Variants in SNURF observed in about 807,000 individuals in gnomAD.
SNURF encodes the protein SNRPN upstream open reading frame, also known as SNURF protein.
In SNURF, 6 loss-of-function variants were observed where a neutral mutation model predicts 11.6. That is an observed-to-expected ratio of 0.52 (90% confidence interval 0.28 to 1.02). SNURF has a LOEUF of 1.02. Ranked by LOEUF, SNURF falls within the 50% of genes least tolerant of loss-of-function variation. SNURF has a pLI of 0.09. For missense variants in SNURF, 84 were observed against 88.4 expected (o/e 0.95, Z 0.20); for synonymous variants, 29 against 31.6 (o/e 0.92, Z 0.27).
At chr15:24,961,436 T>G (rs1020588831) in intron 1 of SNURF, among the ~76,000 whole-genome samples, 3 of 152,190 alleles carry the variant, frequency 2.0e-5, no homozygotes, top group African/African-American at 7.2e-5. Context: ...TCTTTAAAGG[T>G]TCATAGGTGG....
intron 6 of SNURF, chr15:24,977,762 C>A: frequency 6.3e-7 from 1 of 1,578,324 alleles, no homozygotes; most frequent in Admixed American, 1.9e-5. Flanking sequence ...GACTGTTTCC[C>A]GCCCTGCCTT....
downstream of SNURF, among the ~76,000 whole-genome samples, chr15:24,970,650 C>T (rs2554429): frequency 0.43 from 64,838 of 152,020 alleles, 15,265 homozygotes; most frequent in African/African-American, 0.63. Context: ...ACATATCCAA[C>T]TGGATACCTA....
chr15:24,956,389 A>G (rs1329882389), intron 1 of SNURF, among the ~76,000 whole-genome samples: 2 of 145,828 alleles, frequency 1.4e-5, no homozygotes, highest in Non-Finnish European at 3.0e-5. Context: ...TAGAGCCGCC[A>G]GTGGGGAGGG....
At chr15:24,971,953 G>A (rs1209908006), downstream of SNURF, among the ~76,000 whole-genome samples, 8 of 152,026 alleles carry the variant, frequency 5.3e-5, no homozygotes, top group African/African-American at 1.9e-4. Flanking sequence ...GTGTTGCAGT[G>A]CTATAAAAAT....
chr15:24,957,388 A>G (rs1202461741), intron 1 of SNURF, among the ~76,000 whole-genome samples: 1 of 152,222 alleles, frequency 6.6e-6, no homozygotes, highest in African/African-American at 2.4e-5. Flanking sequence ...TGGATCAGTT[A>G]CTGTCTTTTT....
In SNURF at chr15:24,957,848, G is replaced by T. The variant is rs537794120; in HGVS notation, c.14+2786G>T. 3.5e-3 allele frequency among the ~76,000 whole-genome samples: 537 copies of T among 152,156 alleles called. 5 individuals carry two copies. The highest frequency in any genetic ancestry group is 2.2e-3 in the Non-Finnish European group (149 of 67,998). Reference sequence around the variant, plus strand: ...AGTATTTAGTCTGATCCGCCATTTTGTAGTCTTGCATTCAGGCCCGGGATC... The same window carrying T: ...AGTATTTAGTCTGATCCGCCATTTTTTAGTCTTGCATTCAGGCCCGGGATC... On this transcript the variant is annotated intron_variant, in intron 1 of 2. Transcript: ENST00000577949.
At position 24,975,318 on chromosome 15, in the gene SNURF, G is replaced by A. The variant is rs368648548; in HGVS notation, c.*46-40G>A. 28 of 1,575,214 alleles carry A rather than the reference G, an allele frequency of 1.8e-5. No individual in the cohort carries two copies. The African/African-American group carries it at 3.6e-4, about 20-fold the overall frequency. On this transcript the variant is annotated intron_variant and NMD_transcript_variant, in intron 3 of 6. Coordinates refer to the SNURF transcript ENST00000580062. ...CAGGAGAAGATTAGAAGACTAGGGT[G>A]TTGGCAAGCTGAACATGACTCTTGT...
chr15:24,966,333 G>A (rs1258980700), intron 2 of SNURF, among the ~76,000 whole-genome samples: 1 of 152,078 alleles, frequency 6.6e-6, no homozygotes, highest in Non-Finnish European at 1.5e-5. Flanking sequence ...GCAAAATCTG[G>A]GCAGGTCCCA....
rs756286314 is a variant in SNURF, at chr15:24,976,842, T to C, written c.*310-35T>C. The C allele has an allele frequency of 3.1e-6, 5 of 1,588,432 alleles. No homozygotes were observed. In the Admixed American group the frequency reaches 9.1e-5, roughly 29 times the overall value. ...ATAAGAATACTGAGAACTTGTAAAT[T>C]GTTTGATTTTAGGCTATGAATTTTC... On this transcript the variant is annotated intron_variant and NMD_transcript_variant, in intron 5 of 6. Coordinates refer to the SNURF transcript ENST00000580062.
Position 24,975,564 on chromosome 15 carries a change from G to T in SNURF, c.*197+55G>T. On this transcript the variant is annotated intron_variant and NMD_transcript_variant, in intron 4 of 6. Transcript: ENST00000580062. ...GACACAGAGGCAGTGGGAAGGGAAG[G>T]CCAGAGCTGGAGTAAGGGATTTCCG... The T allele has an allele frequency of 2.0e-6, 3 of 1,468,260 alleles. No homozygotes were observed. In the South Asian group the frequency reaches 3.5e-5, roughly 17 times the overall value. 91.0% of individuals were successfully genotyped at this position (1,468,260 alleles called of 1,614,324 possible). A position where few individuals can be genotyped will look rare whatever the true frequency, so the allele number is the denominator to read the frequency against.
At chr15:24,963,852 TAG>T (rs1030845337) in intron 2 of SNURF, among the ~76,000 whole-genome samples, 2 of 151,934 alleles carry the variant, frequency 1.3e-5, no homozygotes, top group Admixed American at 1.3e-4. Context: ...CTGGGCAACA[TAG>T]AGAGACCTCC....
At chr15:24,963,665 T>C (rs2075196155) in intron 2 of SNURF, among the ~76,000 whole-genome samples, 1 of 152,124 alleles carries the variant, frequency 6.6e-6, no homozygotes, top group South Asian at 2.1e-4. Context: ...TTTATTTTAT[T>C]TTTTTCAAAT....
rs78052502 is a variant in SNURF at position 24,963,704 on chromosome 15, A to T, written c.110+1495A>T. 5.8e-3 allele frequency among the ~76,000 whole-genome samples: 875 copies of T among 151,488 alleles called. 8 individuals carry two copies. The highest frequency in any genetic ancestry group is 0.019 in the African/African-American group (775 of 41,284). ...AGGTTTTTCCTCATAGTAAAAACTGAGTAGTAGTTTGTGTGTCTTTTGTTA... is the reference window on the plus strand; with the variant it reads ...AGGTTTTTCCTCATAGTAAAAACTGTGTAGTAGTTTGTGTGTCTTTTGTTA... On this transcript the variant is annotated intron_variant, in intron 2 of 2. Coordinates refer to ENST00000577949, the Ensembl canonical transcript of SNURF.
At chr15:24,977,166 A>G in intron 6 of SNURF, 1 of 603,210 alleles carries the variant, frequency 1.7e-6, no homozygotes, top group South Asian at 3.5e-5. Context: ...ACACAGATAT[A>G]TGGGAGGAAG....
At chr15:24,970,161 G>A (rs1245763227), downstream of SNURF, among the ~76,000 whole-genome samples, 1 of 152,324 alleles carries the variant, frequency 6.6e-6, no homozygotes, top group Admixed American at 6.5e-5. Context: ...GAAGGGATCA[G>A]TCTAAGAGTC....
At chr15:24,977,983 C>T (rs2077259097), downstream of SNURF, 1 of 1,431,694 alleles carries the variant, frequency 7.0e-7, no homozygotes, top group African/African-American at 1.4e-5. Context: ...TGATTTAAGA[C>T]ACAGCCTGAG....
downstream of SNURF, chr15:24,977,882 G>A (rs369947986): frequency 7.0e-4 from 1,116 of 1,592,118 alleles, 15 homozygotes; most frequent in South Asian, 8.6e-3. Flanking sequence ...GGGGCACTCC[G>A]CCCCCACCCG....
chr15:24,974,939 G>A (rs1256312070), intron 3 of SNURF: 1 of 702,990 alleles, frequency 1.4e-6, no homozygotes, highest in Admixed American at 2.0e-5. Flanking sequence ...GGACTGTCCT[G>A]CAGATGATGG....
At chr15:24,957,502 A>T (rs1219413308) in intron 1 of SNURF, among the ~76,000 whole-genome samples, 1 of 152,180 alleles carries the variant, frequency 6.6e-6, no homozygotes, top group East Asian at 1.9e-4. Flanking sequence ...GTACTTTTTT[A>T]AAAAATCATT....
Sources: allele counts gnomAD v4.1 joint callset (sites outside exome capture counted in the v4.1 genomes callset), GRCh38; gene constraint gnomAD v4.1.1; transcripts MANE v1.5; gene names NCBI Gene and HGNC (gene_info 2026-07-23, HGNC 2026-07-21).